Variants in ASAP2 observed in about 807,000 individuals in gnomAD.
ASAP2 encodes the protein ArfGAP with SH3 domain, ankyrin repeat and PH domain 2.
Under a neutral mutation model 131.4 loss-of-function variants are expected in ASAP2, and 45 were observed. The observed-to-expected ratio is 0.34, with a 90% CI of 0.27 to 0.44. The LOEUF (loss-of-function observed/expected upper bound fraction) is 0.44. Ranked by LOEUF, ASAP2 falls within the 20% of genes least tolerant of loss-of-function variation. The pLI is 1.00. For synonymous variants in ASAP2, 510 were observed against 503.0 expected (o/e 1.01, Z -0.19); for missense variants, 1,011 against 1,297.0 (o/e 0.78, Z 3.39).
intron 20 of ASAP2, among the ~76,000 whole-genome samples, chr2:9,381,344 T>G (rs910738614): frequency 1.3e-5 from 2 of 152,238 alleles, no homozygotes; most frequent in Non-Finnish European, 2.9e-5. Context: ...TTAGGCTGTT[T>G]CCTTATTTCT....
rs916992939 is a variant in ASAP2 at position 9,281,391 on chromosome 2, A to G, written c.199+2002A>G. Among the ~76,000 whole-genome samples, 4 of 152,166 alleles carry G rather than the reference A, an allele frequency of 2.6e-5. No individual in the cohort carries two copies. The highest frequency in any genetic ancestry group is 4.8e-5 in the African/African-American group (2 of 41,432). On this transcript the variant is annotated intron_variant, in intron 2 of 27. Coordinates refer to ENST00000281419, the MANE Select transcript of ASAP2 (RefSeq NM_003887.3). This position sits in a 1 kb window ranked among gnomAD's most constrained non-coding sequence, Gnocchi z 4.0. ...CAGTACAGCTTATAAACAGCCCTGC[A>G]TTTGAAGGGAGAAGGCGCTAGTGCT...
At chr2:9,344,990 G>GT (rs34867294) in intron 11 of ASAP2, among the ~76,000 whole-genome samples, 190 bp downstream of exon 11, 38 of 146,508 alleles carry the variant, frequency 2.6e-4, no homozygotes, top group African/African-American at 8.7e-4. Context: ...GCCTGTTTAT[G>GT]TTTTTTTTTT....
At chr2:9,252,454 C>T (rs553287879) in intron 1 of ASAP2, among the ~76,000 whole-genome samples, 169 of 152,130 alleles carry the variant, frequency 1.1e-3, no homozygotes, top group Middle Eastern at 6.8e-3. Flanking sequence ...TGGTGGCACA[C>T]GCCCAGCTAC....
chr2:9,297,502 T>C, intron 3 of ASAP2, 57 bp downstream of exon 3: 3 of 1,593,616 alleles, frequency 1.9e-6, no homozygotes, highest in Non-Finnish European at 2.6e-6. Flanking sequence ...AGTGGCTCAG[T>C]AGAGGATAGT....
At chr2:9,373,376 C>T (rs2148710108) in intron 16 of ASAP2, among the ~76,000 whole-genome samples, 1 of 152,340 alleles carries the variant, frequency 6.6e-6, no homozygotes, top group Middle Eastern at 3.4e-3. Flanking sequence ...GCCACATGCA[C>T]CCAAGGACAA....
intron 14 of ASAP2, 98 bp from the exon 15 acceptor site, chr2:9,358,658 C>T: frequency 6.9e-7 from 1 of 1,440,302 alleles, no homozygotes; most frequent in South Asian, 1.4e-5. Flanking sequence ...AATGCTCATG[C>T]TCAGAACTGC....
intron 5 of ASAP2, 58 bp downstream of exon 5, chr2:9,320,395 C>A: frequency 7.6e-7 from 1 of 1,317,252 alleles, no homozygotes; most frequent in South Asian, 1.2e-5. Context: ...AAATTTAAAC[C>A]AACCTCGTAT....
intron 3 of ASAP2, among the ~76,000 whole-genome samples, chr2:9,299,095 A>C (rs939969715): frequency 6.6e-6 from 1 of 152,222 alleles, no homozygotes; most frequent in African/African-American, 2.4e-5. Flanking sequence ...TCCAACTGGC[A>C]GGTGTTTTAG....
intron 17 of ASAP2, 131 bp from the exon 18 acceptor site, chr2:9,376,777 A>C (rs1161002058): frequency 2.6e-6 from 2 of 781,190 alleles, no homozygotes; most frequent in Non-Finnish European, 4.2e-6. Context: ...AAGAGACTCT[A>C]TGTAAGAGAT....
intron 3 of ASAP2, 117 bp downstream of exon 3, chr2:9,297,562 C>G (rs1668224879): frequency 8.0e-7 from 1 of 1,242,874 alleles, no homozygotes; most frequent in South Asian, 1.6e-5. Flanking sequence ...CCTTGGGTAC[C>G]CAAAAGAATT....
chr2:9,272,861 G>A (rs1173784131), intron 1 of ASAP2, among the ~76,000 whole-genome samples: 1 of 152,162 alleles, frequency 6.6e-6, no homozygotes, highest in Non-Finnish European at 1.5e-5. Flanking sequence ...TGAGTTCACT[G>A]TAAATGTATG....
chr2:9,251,405 G>A (rs999216902), intron 1 of ASAP2, among the ~76,000 whole-genome samples: 10 of 152,310 alleles, frequency 6.6e-5, no homozygotes, highest in Non-Finnish European at 8.8e-5. Context: ...CAGACCTGGG[G>A]AATCTGGTTG....
At position 9,393,518 on chromosome 2, in the gene ASAP2, A is replaced by G. The variant is rs1387841070; in HGVS notation, c.2555A>G (p.Lys852Arg). The part of the protein sequence containing the change: ...LTPTPPPPVA[K>R]TPSVMEALSQ... Reference sequence around the variant, plus strand: ...CCCACGCCGCCCCCACCCGTTGCCAAGACGCCCAGCGTAATGGAAGCCTTG... The same window carrying G: ...CCCACGCCGCCCCCACCCGTTGCCAGGACGCCCAGCGTAATGGAAGCCTTG... Residue 852 changes from lysine to arginine, a missense_variant, in exon 24 of 28, where the codon AAG becomes AGG. Physicochemically the swap from Lys to Arg is conservative, Grantham distance 26. Coordinates refer to ENST00000281419, the MANE Select transcript of ASAP2 (RefSeq NM_003887.3). The G allele has an allele frequency of 1.2e-6, 2 of 1,605,486 alleles. No homozygotes were observed. The highest frequency in any genetic ancestry group is 1.7e-6 in the Non-Finnish European group (2 of 1,176,672).
chr2:9,278,152 T>C (rs1250091920), intron 1 of ASAP2, among the ~76,000 whole-genome samples: 2 of 152,206 alleles, frequency 1.3e-5, no homozygotes, highest in Non-Finnish European at 2.9e-5. Flanking sequence ...TTTCATAGGA[T>C]AGCCTGTGAT....
intron 20 of ASAP2, among the ~76,000 whole-genome samples, chr2:9,381,714 G>A (rs1311822362): frequency 2.0e-5 from 3 of 152,122 alleles, no homozygotes; most frequent in Non-Finnish European, 4.4e-5. Context: ...TCCAGCCTGG[G>A]CAACAGAGCA....
At position 9,389,042 on chromosome 2, in the gene ASAP2, C is replaced by G. The variant is rs1307233891; in HGVS notation, c.2383+496C>G. 2.0e-5 allele frequency among the ~76,000 whole-genome samples: 3 copies of G among 152,212 alleles called. No homozygotes were observed. Among genetic ancestry groups the G allele is most frequent in the Non-Finnish European group, 2.9e-5 (2 of 68,040 alleles). On this transcript the variant is annotated intron_variant, in intron 22 of 27. Transcript: ENST00000281419. The surrounding 1 kb of genome is among the most constrained non-coding windows in gnomAD (Gnocchi z 4.7). ...CCTAATTGTAAAATACAAAACCAGC[C>G]CTGTGGGCCTACCAGTGTCTTAGGG... is the stretch of plus-strand genomic sequence containing the variant.
chr2:9,331,260 T>C (rs1351474837), intron 7 of ASAP2, among the ~76,000 whole-genome samples: 7 of 152,238 alleles, frequency 4.6e-5, no homozygotes, highest in Non-Finnish European at 8.8e-5. Flanking sequence ...TACGTAGATA[T>C]GCGTTATTTT....
At chr2:9,226,245 A>G (rs1662760037) in intron 1 of ASAP2, among the ~76,000 whole-genome samples, 1 of 152,208 alleles carries the variant, frequency 6.6e-6, no homozygotes, top group Non-Finnish European at 1.5e-5. Flanking sequence ...CTTTTAAGGA[A>G]CCTACCATTT....
chr2:9,250,058 T>G (rs1292811312), intron 1 of ASAP2, among the ~76,000 whole-genome samples: 2 of 152,254 alleles, frequency 1.3e-5, no homozygotes, highest in African/African-American at 4.8e-5. Context: ...CACTTGAGTT[T>G]CAGTTTTATC....
Sources: allele counts gnomAD v4.1 joint callset (sites outside exome capture counted in the v4.1 genomes callset), GRCh38; gene constraint gnomAD v4.1.1; non-coding constraint Gnocchi (gnomAD v3.1); transcripts MANE v1.5; gene names NCBI Gene and HGNC (gene_info 2026-07-23, HGNC 2026-07-21).